Variants in CNTNAP2 observed in about 807,000 individuals in gnomAD.
CNTNAP2 encodes the protein contactin-associated protein-like 2.
A neutral mutation model predicts 155.2 loss-of-function variants in CNTNAP2; 98 were observed. That is an observed-to-expected ratio of 0.63 (90% CI 0.54 to 0.75). CNTNAP2 has a LOEUF of 0.75. Among genes scored for constraint, CNTNAP2 ranks in the 30% least tolerant of loss-of-function variants. The pLI is 0.00. For synonymous variants in CNTNAP2, 651 were observed against 631.2 expected (o/e 1.03, Z -0.47); for missense variants, 1,727 against 1,688.1 (o/e 1.02, Z -0.40).
chr7:147,978,722 G>A (rs79846209), intron 15 of CNTNAP2, among the ~76,000 whole-genome samples: 2,298 of 152,132 alleles, frequency 0.015, 74 homozygotes, highest in African/African-American at 0.052. Context: ...GAGCATCCTG[G>A]GCATCGTTTT....
chr7:146,386,943 T>G (rs546202771), intron 1 of CNTNAP2, among the ~76,000 whole-genome samples: 1 of 152,284 alleles, frequency 6.6e-6, no homozygotes, highest in Admixed American at 6.5e-5. Context: ...TGGACTCAAG[T>G]TCTTGTTTGC....
At chr7:146,797,218 A>G (rs1802787080) in intron 2 of CNTNAP2, among the ~76,000 whole-genome samples, 1 of 152,212 alleles carries the variant, frequency 6.6e-6, no homozygotes. Context: ...GAAAAATCTT[A>G]TTAGTTTTCT....
intron 20 of CNTNAP2, among the ~76,000 whole-genome samples, chr7:148,259,640 C>T (rs1048493201): frequency 3.9e-5 from 6 of 152,186 alleles, no homozygotes; most frequent in African/African-American, 9.7e-5. Flanking sequence ...GAACCCACGC[C>T]ATTTAGGTAT....
intron 6 of CNTNAP2, chr7:147,121,397 A>G (rs1036806989): frequency 2.2e-6 from 1 of 463,992 alleles, no homozygotes; most frequent in Non-Finnish European, 3.9e-6. Context: ...TAATTTGAAG[A>G]GAGGAACCAT....
intron 1 of CNTNAP2, among the ~76,000 whole-genome samples, chr7:146,336,627 G>T (rs1801280653): frequency 6.6e-6 from 1 of 151,992 alleles, no homozygotes; most frequent in Non-Finnish European, 1.5e-5. Flanking sequence ...ACAACAATCT[G>T]TACATGATTG....
At chr7:147,785,943 G>A (rs912411719) in intron 13 of CNTNAP2, among the ~76,000 whole-genome samples, 1 of 151,976 alleles carries the variant, frequency 6.6e-6, no homozygotes, top group African/African-American at 2.4e-5. Flanking sequence ...AATGAGCCAA[G>A]ATCGTGCCAC....
chr7:146,308,105 T>G (rs1321702992), intron 1 of CNTNAP2, among the ~76,000 whole-genome samples: 3 of 152,134 alleles, frequency 2.0e-5, no homozygotes, highest in African/African-American at 7.2e-5. Flanking sequence ...ATCCAGAATC[T>G]ACAAAGAACT....
At chr7:146,561,557 G>A (rs1315265576) in intron 1 of CNTNAP2, among the ~76,000 whole-genome samples, 1 of 152,130 alleles carries the variant, frequency 6.6e-6, no homozygotes, top group African/African-American at 2.4e-5. Flanking sequence ...TACTTGGGAG[G>A]CTGAGGCGGG....
At position 147,730,997 on chromosome 7, in the gene CNTNAP2, G is replaced by A. The variant is rs1007121257; in HGVS notation, c.2098+91691G>A. Among the ~76,000 whole-genome samples, 12 of 152,110 alleles carry A rather than the reference G, an allele frequency of 7.9e-5. No individual in the cohort carries two copies. In the East Asian group the frequency reaches 1.9e-3, roughly 24 times the overall value. ...CAAGGCCCTAACTCTCTTCAACTCT[G>A]TGAAGGCTCAGAGAAGTGAGAAAGC... On this transcript the variant is annotated intron_variant, in intron 13 of 23. Coordinates refer to ENST00000361727, the MANE Select transcript of CNTNAP2 (RefSeq NM_014141.6).
chr7:146,875,934 C>CAAAAAAAAAAAAAAAAAAAAAAAAAAAAA (rs56304234), intron 3 of CNTNAP2, among the ~76,000 whole-genome samples: 5 of 55,134 alleles, frequency 9.1e-5, no homozygotes, highest in Non-Finnish European at 1.3e-4. Context: ...ACATACACAG[C>CAAAAAAAAAAAAAAAAAAAAAAAAAAAAA]AAAAAAAAAA....
chr7:147,026,060 A>G (rs940584005), intron 3 of CNTNAP2, among the ~76,000 whole-genome samples: 10 of 152,152 alleles, frequency 6.6e-5, no homozygotes, highest in Non-Finnish European at 1.2e-4. Flanking sequence ...GGGTTTCACC[A>G]TGTTGGCCAG....
chr7:147,737,261 G>A (rs1030993964), intron 13 of CNTNAP2, among the ~76,000 whole-genome samples: 4 of 152,200 alleles, frequency 2.6e-5, no homozygotes, highest in Non-Finnish European at 4.4e-5. Flanking sequence ...CTCAGCTGCA[G>A]GTCTGTTGGA....
At chr7:147,141,304 A>T (rs1801590297) in intron 8 of CNTNAP2, among the ~76,000 whole-genome samples, 1 of 152,160 alleles carries the variant, frequency 6.6e-6, no homozygotes, top group South Asian at 2.1e-4. Context: ...CATACCTTGA[A>T]AAACTAATCA....
At chr7:146,365,735 G>A (rs1311381594) in intron 1 of CNTNAP2, among the ~76,000 whole-genome samples, 1 of 152,064 alleles carries the variant, frequency 6.6e-6, no homozygotes, top group Non-Finnish European at 1.5e-5. Flanking sequence ...AATTAATCAC[G>A]TGGTCAAATG....
At position 146,853,624 on chromosome 7, in the gene CNTNAP2, G is replaced by C. The variant is rs1218200967; in HGVS notation, c.402+13720G>C. ...GTGTCAATTACTGTAACAAGATCCTGAGAGGTAAGAGACCAGGCTTTTTCC... is the reference window on the plus strand; with the variant it reads ...GTGTCAATTACTGTAACAAGATCCTCAGAGGTAAGAGACCAGGCTTTTTCC... On this transcript the variant is annotated intron_variant, in intron 3 of 23. Transcript: ENST00000361727. Among the ~76,000 whole-genome samples, 4 of 152,110 alleles carry C rather than the reference G, an allele frequency of 2.6e-5. No individual in the cohort carries two copies. The East Asian group carries it at 7.7e-4, about 29-fold the overall frequency.
intron 1 of CNTNAP2, among the ~76,000 whole-genome samples, chr7:146,463,112 G>A (rs1796663334): frequency 1.3e-5 from 2 of 151,806 alleles, no homozygotes; most frequent in South Asian, 4.1e-4. Flanking sequence ...AGAAATAGAG[G>A]GAGGAAAATA....
At chr7:148,366,594 G>C (rs905055893) in intron 21 of CNTNAP2, among the ~76,000 whole-genome samples, 3 of 152,174 alleles carry the variant, frequency 2.0e-5, no homozygotes, top group African/African-American at 7.2e-5. Flanking sequence ...TTATACGAAT[G>C]GCAGATAGCA....
chr7:146,172,032 A>ATTTTTTTTTTTT (rs61619996), intron 1 of CNTNAP2, among the ~76,000 whole-genome samples: 16 of 67,636 alleles, frequency 2.4e-4, no homozygotes, highest in Admixed American at 4.0e-4. Context: ...TGCTCTTAGT[A>ATTTTTTTTTTTT]TTTTTTTTTT....
At chr7:146,966,699 A>C (rs567153481) in intron 3 of CNTNAP2, among the ~76,000 whole-genome samples, 1 of 152,306 alleles carries the variant, frequency 6.6e-6, no homozygotes, top group East Asian at 1.9e-4. Context: ...TCACAATGCA[A>C]ATGTACTCAG....
Sources: gnomAD v4.1 joint callset for allele counts (sites outside exome capture counted in the v4.1 genomes callset) on GRCh38, gnomAD v4.1.1 for gene constraint, MANE v1.5 for transcripts, NCBI Gene and HGNC (gene_info 2026-07-23, HGNC 2026-07-21) for gene names.